SLC35F3: variants seen among roughly 807,000 people sequenced by gnomAD.
SLC35F3 encodes the protein solute carrier family 35 member F3.
In SLC35F3, 25 loss-of-function variants were observed where a neutral mutation model predicts 49.9. The observed-to-expected ratio is 0.50, with a 90% confidence interval of 0.37 to 0.70. The LOEUF (loss-of-function observed/expected upper bound fraction) is 0.70. Among genes scored for constraint, SLC35F3 ranks in the 30% least tolerant of loss-of-function variants. The probability of loss-of-function intolerance (pLI) is 0.00; values close to 1 mark genes in which losing one functional copy is unlikely to be tolerated. For missense variants in SLC35F3, 525 were observed against 639.8 expected, an observed-to-expected ratio of 0.82 and a Z score of 1.94; for synonymous variants, 275 against 265.4, an observed-to-expected ratio of 1.04 and a Z score of -0.35.
chr1:233,961,827 A>G (rs1662809308), intron 2 of SLC35F3, among the ~76,000 whole-genome samples: 1 of 152,136 alleles, frequency 6.6e-6, no homozygotes. Context: ...AATAATGGAA[A>G]ATAGGTGCAT....
At chr1:234,110,734 T>G (rs1572055974) in intron 2 of SLC35F3, among the ~76,000 whole-genome samples, 1 of 151,834 alleles carries the variant, frequency 6.6e-6, no homozygotes, top group South Asian at 2.1e-4. Flanking sequence ...AATGTAAATT[T>G]GGAAGGGTTT....
At position 234,218,618 on chromosome 1, in the gene SLC35F3, C is replaced by T. The variant is rs114757537; in HGVS notation, c.284-12799C>T. Among the ~76,000 whole-genome samples the T allele has an allele frequency of 5.5e-3, 831 of 152,200 alleles. 7 individuals carry two copies. The highest frequency in any genetic ancestry group is 9.6e-3 in the Non-Finnish European group (653 of 68,026). ...AACTGAGGCTCAGAAAACTCATTCA[C>T]GAAGGAACTGTAATTAGAAAGCAAG... On this transcript the variant is annotated intron_variant, in intron 2 of 7. Coordinates refer to ENST00000366618, the MANE Select transcript of SLC35F3 (RefSeq NM_173508.4).
At chr1:234,024,566 G>A (rs1363207816) in intron 2 of SLC35F3, among the ~76,000 whole-genome samples, 1 of 152,104 alleles carries the variant, frequency 6.6e-6, no homozygotes, top group Non-Finnish European at 1.5e-5. Flanking sequence ...TTGCTGTTGG[G>A]GACTCTGCTG....
chr1:234,059,858 G>C (rs147827280), intron 2 of SLC35F3, among the ~76,000 whole-genome samples: 167 of 152,272 alleles, frequency 1.1e-3, no homozygotes, highest in African/African-American at 3.8e-3. Flanking sequence ...AGGCTGGGAG[G>C]CTAGGCCCAT....
intron 3 of SLC35F3, among the ~76,000 whole-genome samples, chr1:234,250,894 C>A (rs1038378063): frequency 6.6e-6 from 1 of 152,122 alleles, no homozygotes; most frequent in African/African-American, 2.4e-5. Context: ...GCAAAGACTG[C>A]ACCAAGCCAT....
At chr1:234,202,317 C>T (rs2102935158) in intron 2 of SLC35F3, among the ~76,000 whole-genome samples, 1 of 152,104 alleles carries the variant, frequency 6.6e-6, no homozygotes, top group Non-Finnish European at 1.5e-5. Flanking sequence ...TGTGCAAATG[C>T]TCAGGGCCAT....
At chr1:234,114,797 A>C (rs539941055) in intron 2 of SLC35F3, among the ~76,000 whole-genome samples, 40 of 152,194 alleles carry the variant, frequency 2.6e-4, no homozygotes, top group Non-Finnish European at 4.7e-4. Flanking sequence ...AAAGGAGTAT[A>C]ATTTAAGCAT....
At chr1:234,181,338 G>GAAAAAAAAA (rs34757532) in intron 2 of SLC35F3, among the ~76,000 whole-genome samples, 5 of 97,302 alleles carry the variant, frequency 5.1e-5, no homozygotes, top group South Asian at 3.0e-4. Flanking sequence ...TCTGTCTCAA[G>GAAAAAAAAA]AAAAAAAAAA....
chr1:234,318,616 C>A, intron 5 of SLC35F3, 135 bp from the exon 6 acceptor site: 1 of 721,630 alleles, frequency 1.4e-6, no homozygotes. Flanking sequence ...AGGCCAAACC[C>A]CATGGAATTC....
At chr1:234,321,278 G>A (rs542425793) in intron 7 of SLC35F3, among the ~76,000 whole-genome samples, 4 of 152,332 alleles carry the variant, frequency 2.6e-5, no homozygotes, top group East Asian at 1.9e-4. Flanking sequence ...CTCAGGCCCA[G>A]CACCACCACA....
intron 3 of SLC35F3, among the ~76,000 whole-genome samples, chr1:234,289,054 A>C (rs957591054): frequency 6.6e-6 from 1 of 152,258 alleles, no homozygotes; most frequent in East Asian, 1.9e-4. Flanking sequence ...AAGCATAGCC[A>C]TGATGAGCAC....
In SLC35F3 at chr1:234,309,461, C is replaced by G. The variant is rs965749935; in HGVS notation, c.828+141C>G. On this transcript the variant is annotated intron_variant, in intron 4 of 7. Transcript: ENST00000366618. Reference sequence around the variant, plus strand: ...CTTCTGATTTGCAGCAGAAAATGAGCCCAGCAGAGGGCCCGGTTCTTGGTG... The same window carrying G: ...CTTCTGATTTGCAGCAGAAAATGAGGCCAGCAGAGGGCCCGGTTCTTGGTG... 9 of 715,140 alleles carry G rather than the reference C, an allele frequency of 1.3e-5. No individual in the cohort carries two copies. The Admixed American group carries it at 2.5e-4, about 20-fold the overall frequency. 44.3% of individuals were successfully genotyped at this position (715,140 alleles called of 1,614,324 possible). A position where few individuals can be genotyped will look rare whatever the true frequency, so the allele number is the denominator to read the frequency against.
intron 2 of SLC35F3, among the ~76,000 whole-genome samples, chr1:233,968,692 C>A (rs988701665): frequency 1.3e-5 from 2 of 152,032 alleles, no homozygotes; most frequent in Non-Finnish European, 2.9e-5. Flanking sequence ...ACCATCTTGG[C>A]CAGGCTGGTC....
Position 234,231,253 on chromosome 1 carries a change from A to G in SLC35F3, c.284-164A>G, listed in dbSNP as rs994865423. Among the ~76,000 whole-genome samples the G allele has an allele frequency of 4.6e-5, 7 of 152,156 alleles. No homozygotes were observed. The highest frequency in any genetic ancestry group is 2.9e-5 in the Non-Finnish European group (2 of 68,016). ...AGGAAAACCAGTGCAAACGTTTTCT[A>G]TTGCAGCTTGCTGTCACACAGCCGC... On this transcript the variant is annotated intron_variant, in intron 2 of 7. Transcript: ENST00000366618. This position sits in a 1 kb window ranked among gnomAD's most constrained non-coding sequence, Gnocchi z 5.4.
chr1:234,159,089 T>C (rs1458280999), intron 2 of SLC35F3, among the ~76,000 whole-genome samples: 6 of 152,208 alleles, frequency 3.9e-5, no homozygotes, highest in African/African-American at 1.4e-4. Flanking sequence ...GCATTATAGA[T>C]GTTATAGAAT....
intron 3 of SLC35F3, among the ~76,000 whole-genome samples, chr1:234,247,673 C>T (rs1434363980): frequency 2.9e-5 from 4 of 135,716 alleles, no homozygotes; most frequent in African/African-American, 5.6e-5. Context: ...GTCAGTTGTT[C>T]TGTGGGTCGG....
chr1:234,219,485 G>A (rs72760027), intron 2 of SLC35F3, among the ~76,000 whole-genome samples: 5,342 of 152,290 alleles, frequency 0.035, 148 homozygotes, highest in Middle Eastern at 0.095. Context: ...TAAGAGGAGT[G>A]AAACATAATC....
At chr1:233,907,545 C>G (rs1661796826) in intron 2 of SLC35F3, among the ~76,000 whole-genome samples, 1 of 152,158 alleles carries the variant, frequency 6.6e-6, no homozygotes, top group Non-Finnish European at 1.5e-5. Context: ...CAGCTCATTC[C>G]ACTCTCTCTA....
chr1:234,183,391 G>T (rs979907819), intron 2 of SLC35F3, among the ~76,000 whole-genome samples: 8 of 142,568 alleles, frequency 5.6e-5, no homozygotes, highest in Non-Finnish European at 1.2e-4. Flanking sequence ...TTTTTTTCTG[G>T]ATTTTGAAAG....
Sources: gnomAD v4.1 joint callset for allele counts (sites outside exome capture counted in the v4.1 genomes callset) on GRCh38, gnomAD v4.1.1 for gene constraint, Gnocchi (gnomAD v3.1) non-coding constraint, MANE v1.5 for transcripts, NCBI Gene and HGNC (gene_info 2026-07-23, HGNC 2026-07-21) for gene names.